The following ADRA1A variants were observed in gnomAD, a reference collection of about 807,000 sequenced individuals.
ADRA1A encodes the protein adrenoceptor alpha 1A, also known as alpha-1A adrenergic receptor.
Under a neutral mutation model 29.6 loss-of-function variants are expected in ADRA1A, and 31 were observed. The ratio of observed to expected loss-of-function variants is 1.05; its 90% CI spans 0.79 to 1.41. The LOEUF is 1.41. ADRA1A is among the 40% of genes most tolerant of loss of function. ADRA1A has a pLI of 0.00. For missense variants in ADRA1A, 619 were observed against 601.1 expected, an observed-to-expected ratio of 1.03 and a Z score of -0.31; for synonymous variants, 311 against 254.3, an observed-to-expected ratio of 1.22 and a Z score of -2.12.
At chr8:26,816,284 C>T (rs1229303710) in intron 2 of ADRA1A, among the ~76,000 whole-genome samples, 1 of 152,148 alleles carries the variant, frequency 6.6e-6, no homozygotes, top group African/African-American at 2.4e-5. Flanking sequence ...ATGAGAAAAA[C>T]CGTATTCCAT....
intron 2 of ADRA1A, among the ~76,000 whole-genome samples, chr8:26,783,618 C>T (rs1807154638): frequency 6.6e-6 from 1 of 152,072 alleles, no homozygotes; most frequent in Admixed American, 6.5e-5. Flanking sequence ...CATAAAAATA[C>T]CTGAAGGATC....
At chr8:26,803,414 A>G (rs999323099) in intron 2 of ADRA1A, among the ~76,000 whole-genome samples, 22 of 152,334 alleles carry the variant, frequency 1.4e-4, no homozygotes, top group African/African-American at 4.6e-4. Context: ...CTATACTTAT[A>G]CTGTGCACAA....
At chr8:26,782,924 C>T (rs1455791372) in intron 2 of ADRA1A, among the ~76,000 whole-genome samples, 2 of 152,154 alleles carry the variant, frequency 1.3e-5, no homozygotes, top group Non-Finnish European at 1.5e-5. Flanking sequence ...CACTGTCATC[C>T]TCAACCGTCC....
At chr8:26,830,866 C>A (rs888040414) in intron 2 of ADRA1A, among the ~76,000 whole-genome samples, 1 of 152,126 alleles carries the variant, frequency 6.6e-6, no homozygotes, top group African/African-American at 2.4e-5. Flanking sequence ...TTGCAGTAGC[C>A]TCCCAGATGA....
chr8:26,854,587 G>A (rs1036278759), intron 2 of ADRA1A: 1 of 152,256 alleles, frequency 6.6e-6, no homozygotes, highest in African/African-American at 2.4e-5. Context: ...CTGAGACTGG[G>A]ATGGAAACAT....
chr8:26,854,373 C>G (rs571542364), intron 2 of ADRA1A: 1 of 132,000 alleles, frequency 7.6e-6, no homozygotes, highest in East Asian at 2.2e-4. Context: ...GCCTGGGTGA[C>G]ACAGCAAGAC....
intron 2 of ADRA1A, among the ~76,000 whole-genome samples, chr8:26,803,919 C>CTTTTTTTTTTTT: frequency 1.1e-5 from 1 of 95,224 alleles, no homozygotes; most frequent in East Asian, 4.0e-4. Context: ...TGGAAGTTTC[C>CTTTTTTTTTTTT]TTTTTTTTTT....
chr8:26,785,156 G>A (rs1326966008), intron 2 of ADRA1A, among the ~76,000 whole-genome samples: 1 of 152,018 alleles, frequency 6.6e-6, no homozygotes, highest in Admixed American at 6.6e-5. Flanking sequence ...ATTGCAATAA[G>A]GTGTACATTA....
At chr8:26,785,258 G>A (rs1807286478) in intron 2 of ADRA1A, among the ~76,000 whole-genome samples, 3 of 152,162 alleles carry the variant, frequency 2.0e-5, no homozygotes, top group Non-Finnish European at 4.4e-5. Flanking sequence ...TTCTGAGAAT[G>A]AGACTAGTCT....
At position 26,770,055 on chromosome 8, in the gene ADRA1A, GT is replaced by G; in HGVS notation, c.*93del. 7 of 1,506,156 alleles carry G rather than the reference GT, an allele frequency of 4.6e-6. No homozygotes were observed. The highest frequency in any genetic ancestry group is 5.3e-6 in the Non-Finnish European group (6 of 1,130,018). 93.3% of individuals were successfully genotyped at this position (1,506,156 alleles called of 1,614,324 possible). A position where few individuals can be genotyped will look rare whatever the true frequency, so the allele number is the denominator to read the frequency against. On this transcript the variant is annotated 3_prime_UTR_variant, in exon 3 of 3. Coordinates refer to ENST00000380573, the MANE Select transcript of ADRA1A (RefSeq NM_000680.4). ...TCCCAGCAGGTCCCCTCTTTGATTG[GT>G]CCTGTCTTGTCCTCCAAGAAGAGCT...
At chr8:26,764,001 T>A (rs150893734), downstream of ADRA1A, among the ~76,000 whole-genome samples, 39 of 152,322 alleles carry the variant, frequency 2.6e-4, no homozygotes, top group East Asian at 7.1e-3. Flanking sequence ...CCCCCATTTA[T>A]AACAATGCCT....
downstream of ADRA1A, among the ~76,000 whole-genome samples, chr8:26,763,506 C>G (rs1805620582): frequency 6.6e-6 from 1 of 152,164 alleles, no homozygotes; most frequent in Non-Finnish European, 1.5e-5. This position sits in a 1 kb window ranked among gnomAD's most constrained non-coding sequence, Gnocchi z 4.5. Context: ...ATGCTCACCT[C>G]TTATCCTGAT....
chr8:26,785,347 C>T (rs1716916307), intron 2 of ADRA1A, among the ~76,000 whole-genome samples: 1 of 152,090 alleles, frequency 6.6e-6, no homozygotes, highest in Non-Finnish European at 1.5e-5. Context: ...TTGTTGAAGC[C>T]ATTTATAATC....
intron 2 of ADRA1A, among the ~76,000 whole-genome samples, chr8:26,835,591 G>T (rs923032871): frequency 6.6e-6 from 1 of 152,064 alleles, no homozygotes; most frequent in Non-Finnish European, 1.5e-5. Flanking sequence ...TTACTATCAC[G>T]AGAATAGCAT....
chr8:26,807,208 G>A (rs751169863), intron 2 of ADRA1A, among the ~76,000 whole-genome samples: 3 of 152,182 alleles, frequency 2.0e-5, no homozygotes, highest in Non-Finnish European at 2.9e-5. Context: ...CCCTGGGCAA[G>A]CCACTGAGCT....
chr8:26,847,216 T>C (rs948905563), intron 2 of ADRA1A, among the ~76,000 whole-genome samples: 4 of 151,410 alleles, frequency 2.6e-5, no homozygotes, highest in African/African-American at 9.7e-5. Context: ...ACTTAAAGTA[T>C]AATAATAATA....
intron 2 of ADRA1A, among the ~76,000 whole-genome samples, chr8:26,772,882 C>T (rs2132448): frequency 1.9e-4 from 15 of 78,492 alleles, no homozygotes; most frequent in East Asian, 2.8e-3. Context: ...CACACACACA[C>T]AATGGGTGTT....
chr8:26,806,742 A>G lies in ADRA1A; in HGVS notation c.884-36076T>C, dbSNP rs1055365662. ...TTACATAAAGCTGCCACATGCCTGG[A>G]AGGAGGAAATAGGAAGAGCACGTGC... On this transcript the variant is annotated intron_variant, in intron 2 of 2. Coordinates refer to ENST00000380573, the MANE Select transcript of ADRA1A (RefSeq NM_000680.4). The surrounding 1 kb of genome is among the most constrained non-coding windows in gnomAD (Gnocchi z 4.6). Among the ~76,000 whole-genome samples the G allele has an allele frequency of 6.6e-6, 1 of 152,128 alleles. No homozygotes were observed. Among genetic ancestry groups the G allele is most frequent in the Non-Finnish European group, 1.5e-5 (1 of 68,024 alleles).
chr8:26,834,033 T>C (rs368930133), intron 2 of ADRA1A, among the ~76,000 whole-genome samples: 1 of 152,208 alleles, frequency 6.6e-6, no homozygotes, highest in Admixed American at 6.5e-5. Context: ...TTATTAGTAG[T>C]ATGTAATAAG....
Sources: allele counts gnomAD v4.1 joint callset (sites outside exome capture counted in the v4.1 genomes callset), GRCh38; gene constraint gnomAD v4.1.1; non-coding constraint Gnocchi (gnomAD v3.1); transcripts MANE v1.5; gene names NCBI Gene and HGNC (gene_info 2026-07-23, HGNC 2026-07-21).